The following IMPG1 variants were observed in gnomAD, a reference collection of about 807,000 sequenced individuals.
IMPG1 encodes the protein interphotoreceptor matrix proteoglycan 1.
Under a neutral mutation model 92.0 loss-of-function variants are expected in IMPG1, and 85 were observed. That is an observed-to-expected ratio of 0.92 (90% confidence interval 0.78 to 1.11). The LOEUF (loss-of-function observed/expected upper bound fraction) is 1.11. IMPG1 is among the 50% of genes least tolerant of loss of function. The probability of loss-of-function intolerance (pLI) is 0.00; values close to 1 mark genes in which losing one functional copy is unlikely to be tolerated. For synonymous variants in IMPG1, 367 were observed against 334.1 expected (o/e 1.10, Z -1.08); for missense variants, 1,022 against 956.0 (o/e 1.07, Z -0.91).
At chr6:76,039,356 GTTTT>G (rs34625575) in intron 2 of IMPG1, among the ~76,000 whole-genome samples, 2 of 133,550 alleles carry the variant, frequency 1.5e-5, no homozygotes, top group Non-Finnish European at 1.6e-5. Context: ...AGATCTAGCT[GTTTT>G]TTTTTTTTTT....
chr6:76,043,837 G>A (rs1041314333), intron 1 of IMPG1, among the ~76,000 whole-genome samples: 8 of 152,192 alleles, frequency 5.3e-5, no homozygotes, highest in East Asian at 1.9e-4. Flanking sequence ...CCCTTCATGT[G>A]GTGATGTCAT....
At chr6:75,984,734 C>A (rs1274347201) in intron 12 of IMPG1, among the ~76,000 whole-genome samples, 1 of 152,172 alleles carries the variant, frequency 6.6e-6, no homozygotes, top group African/African-American at 2.4e-5. Context: ...GTGTTTGGAT[C>A]ATGGGGACAG....
chr6:75,923,851 G>GGAA, intron 15 of IMPG1, 145 bp from the exon 16 acceptor site: 1 of 558,702 alleles, frequency 1.8e-6, no homozygotes, highest in Non-Finnish European at 3.1e-6. Flanking sequence ...CGTTTGAGTT[G>GGAA]GAAGAAGTGT....
In IMPG1 at chr6:75,921,728, G is replaced by A. The variant is rs1582041241; in HGVS notation, c.*361C>T. On this transcript the variant is annotated 3_prime_UTR_variant, in exon 17 of 17. Transcript: ENST00000369950. ...TAAAGAGTTTGCTTCCCAATAAATT[G>A]TTCAGTCCCTAAACAATAAGTAAGC... The A allele has an allele frequency of 4.8e-6, 1 of 209,666 alleles. No individual in the cohort carries two copies. The highest frequency in any genetic ancestry group is 2.4e-5 in the African/African-American group (1 of 42,016). 13.0% of individuals were successfully genotyped at this position (209,666 alleles called of 1,614,324 possible).
intron 1 of IMPG1, among the ~76,000 whole-genome samples, chr6:76,063,405 C>T (rs1417949645): frequency 1.3e-5 from 2 of 152,008 alleles, no homozygotes; most frequent in South Asian, 4.2e-4. Context: ...GAGATGAAAC[C>T]CAGAGGGGCT....
Position 75,972,677 on chromosome 6 carries a change from T to C in IMPG1, c.1292-21583A>G, listed in dbSNP as rs372161967. On this transcript the variant is annotated intron_variant, in intron 12 of 16. Coordinates refer to ENST00000369950, the MANE Select transcript of IMPG1 (RefSeq NM_001563.4). ...GTCCTTCCTTGTCTGATACATTTTG[T>C]TTTTTACACTTCTGTTTTATACTCG... Among the ~76,000 whole-genome samples the C allele has an allele frequency of 3.7e-4, 57 of 152,316 alleles. 1 individual carries two copies. The highest frequency in any genetic ancestry group is 1.3e-3 in the African/African-American group (53 of 41,578).
intron 6 of IMPG1, 63 bp downstream of exon 6, chr6:76,022,053 C>T (rs1445190261): frequency 9.3e-5 from 81 of 866,494 alleles, no homozygotes; most frequent in Non-Finnish European, 1.5e-4. Flanking sequence ...TTCTCTTTTC[C>T]TGTTTTGCTA....
chr6:75,962,767 G>A (rs1782230403), intron 12 of IMPG1, among the ~76,000 whole-genome samples: 1 of 152,210 alleles, frequency 6.6e-6, no homozygotes, highest in African/African-American at 2.4e-5. Flanking sequence ...TAAGCCTGAT[G>A]CAGTGGCTCA....
At chr6:76,058,737 A>G (rs1784159102) in intron 1 of IMPG1, among the ~76,000 whole-genome samples, 1 of 152,184 alleles carries the variant, frequency 6.6e-6, no homozygotes, top group Non-Finnish European at 1.5e-5. Flanking sequence ...AGATATAAAT[A>G]TGACTATGGA....
At chr6:76,037,535 C>T (rs1018584710) in intron 2 of IMPG1, among the ~76,000 whole-genome samples, 4 of 152,146 alleles carry the variant, frequency 2.6e-5, no homozygotes, top group African/African-American at 7.2e-5. Context: ...ACCAGCAAGC[C>T]GTCTCTGACC....
intron 1 of IMPG1, among the ~76,000 whole-genome samples, chr6:76,044,101 C>A (rs1375724574): frequency 6.6e-6 from 1 of 152,114 alleles, no homozygotes; most frequent in Non-Finnish European, 1.5e-5. Flanking sequence ...TTTCGTGAGT[C>A]AAAATGGCTG....
At chr6:76,022,244 A>G in intron 5 of IMPG1, 25 bp from the exon 6 acceptor site, 1 of 1,356,866 alleles carries the variant, frequency 7.4e-7, no homozygotes, top group Middle Eastern at 1.9e-4. Flanking sequence ...AAAATTAAAG[A>G]CACAAAAATG....
intron 6 of IMPG1, among the ~76,000 whole-genome samples, chr6:76,021,033 G>A (rs1783414370): frequency 6.6e-6 from 1 of 152,172 alleles, no homozygotes; most frequent in Admixed American, 6.5e-5. Context: ...AAATCCTGAA[G>A]AGAATAACTG....
At chr6:76,060,019 C>T (rs1254473672) in intron 1 of IMPG1, among the ~76,000 whole-genome samples, 1 of 152,136 alleles carries the variant, frequency 6.6e-6, no homozygotes, top group East Asian at 1.9e-4. Flanking sequence ...ATTTCTGAAG[C>T]AGAAACTTTT....
intron 12 of IMPG1, among the ~76,000 whole-genome samples, chr6:75,998,874 T>C (rs1258642454): frequency 6.6e-6 from 1 of 152,196 alleles, no homozygotes; most frequent in East Asian, 1.9e-4. Flanking sequence ...GTGATCTTTT[T>C]GAGATGGAGT....
At chr6:75,965,793 G>A (rs1782298601) in intron 12 of IMPG1, among the ~76,000 whole-genome samples, 1 of 151,836 alleles carries the variant, frequency 6.6e-6, no homozygotes, top group South Asian at 2.1e-4. Context: ...ATTTTTAGTA[G>A]AGACAGGGTT....
rs535570530 is a variant in IMPG1 at position 76,032,960 on chromosome 6, A to G, written c.497+1355T>C. On this transcript the variant is annotated intron_variant, in intron 4 of 16. Coordinates refer to ENST00000369950, the MANE Select transcript of IMPG1 (RefSeq NM_001563.4). The stretch of plus-strand genomic sequence containing the variant: ...CTGCCTCAGTGAAAGTTCTAGCAAG[A>G]AACAGATGACTCTCTCATAGTAGGG... Among the ~76,000 whole-genome samples, 10 of 152,308 alleles carry G rather than the reference A, an allele frequency of 6.6e-5. No individual in the cohort carries two copies. In the East Asian group the frequency reaches 1.9e-3, roughly 29 times the overall value.
At position 75,986,186 on chromosome 6, in the gene IMPG1, G is replaced by A. The variant is rs187325617; in HGVS notation, c.1291+16732C>T. Reference sequence around the variant, plus strand: ...ATTTACATATTATCTTGAGTCCTGAGGTTTTGGCTCCTTTTAAATTTTGCA... The same window carrying A: ...ATTTACATATTATCTTGAGTCCTGAAGTTTTGGCTCCTTTTAAATTTTGCA... On this transcript the variant is annotated intron_variant, in intron 12 of 16. Coordinates refer to ENST00000369950, the MANE Select transcript of IMPG1 (RefSeq NM_001563.4). Among the ~76,000 whole-genome samples the A allele has an allele frequency of 1.8e-3, 281 of 152,054 alleles. 2 individuals carry two copies. The highest frequency in any genetic ancestry group is 0.01 in the Middle Eastern group (3 of 294).
At chr6:76,007,449 A>C in intron 9 of IMPG1, 31 bp downstream of exon 9, 1 of 1,531,714 alleles carries the variant, frequency 6.5e-7, no homozygotes. Flanking sequence ...ACGGGAATGT[A>C]CTATATTTCA....
Sources: gnomAD v4.1 joint callset for allele counts (sites outside exome capture counted in the v4.1 genomes callset) on GRCh38, gnomAD v4.1.1 for gene constraint, MANE v1.5 for transcripts, NCBI Gene and HGNC (gene_info 2026-07-23, HGNC 2026-07-21) for gene names.